ZCWPW2: variants seen among roughly 807,000 people sequenced by gnomAD.
ZCWPW2 encodes zinc finger CW-type and PWWP domain containing 2.
In ZCWPW2, 45 loss-of-function variants were observed where a neutral mutation model predicts 46.6. The observed-to-expected ratio is 0.96, with a 90% confidence interval of 0.76 to 1.24. ZCWPW2 has a LOEUF of 1.24. Ranked by LOEUF, ZCWPW2 falls within the 50% of genes most tolerant of loss-of-function variation. ZCWPW2 has a pLI of 0.00. For missense variants in ZCWPW2, 429 were observed against 403.9 expected (o/e 1.06, Z -0.53); for synonymous variants, 152 against 137.1 (o/e 1.11, Z -0.76).
chr3:28,429,441 G>C (rs749790856), intron 3 of ZCWPW2, among the ~76,000 whole-genome samples: 7 of 152,172 alleles, frequency 4.6e-5, no homozygotes, highest in Admixed American at 1.3e-4. Flanking sequence ...CATTCACAAA[G>C]ATATGGTTTG....
intron 1 of ZCWPW2, among the ~76,000 whole-genome samples, chr3:28,373,833 ATTTGTTTGTTTTTG>A (rs1191448008): frequency 1.3e-5 from 2 of 151,578 alleles, no homozygotes; most frequent in Non-Finnish European, 2.9e-5. Flanking sequence ...TTTAAATTAG[ATTTGTTTGTTTTTG>A]TTTGTTTGTT....
chr3:28,461,263 C>G (rs1457910), intron 4 of ZCWPW2, among the ~76,000 whole-genome samples: 6 of 151,824 alleles, frequency 4.0e-5, no homozygotes, highest in African/African-American at 1.5e-4. Context: ...ATGAGGTTCT[C>G]CCACCCCCCA....
chr3:28,359,528 G>T (rs1380371445), intron 1 of ZCWPW2, among the ~76,000 whole-genome samples: 1 of 152,040 alleles, frequency 6.6e-6, no homozygotes, highest in Non-Finnish European at 1.5e-5. Context: ...AAGGCCTAGA[G>T]AAAAATATGT....
intron 6 of ZCWPW2, among the ~76,000 whole-genome samples, chr3:28,498,982 C>A (rs1202871663): frequency 6.6e-6 from 1 of 152,028 alleles, no homozygotes. Context: ...TGAACTCATC[C>A]TTTTTTATGG....
chr3:28,463,611 T>C (rs547011006), intron 4 of ZCWPW2, among the ~76,000 whole-genome samples: 1 of 152,138 alleles, frequency 6.6e-6, no homozygotes, highest in African/African-American at 2.4e-5. Context: ...AGAGTATGTA[T>C]GCAGGATTTA....
At chr3:28,410,304 T>C (rs905661830) in intron 2 of ZCWPW2, among the ~76,000 whole-genome samples, 35 of 152,194 alleles carry the variant, frequency 2.3e-4, no homozygotes, top group Non-Finnish European at 4.3e-4. Flanking sequence ...ATCAACCATT[T>C]AGTATGGATA....
At chr3:28,379,457 T>C (rs1330171881) in intron 1 of ZCWPW2, among the ~76,000 whole-genome samples, 3 of 152,200 alleles carry the variant, frequency 2.0e-5, no homozygotes, top group African/African-American at 4.8e-5. Context: ...CCCTTAAGAA[T>C]GTTACTGTGA....
At chr3:28,425,878 G>C (rs905193548) in intron 3 of ZCWPW2, among the ~76,000 whole-genome samples, 2 of 152,144 alleles carry the variant, frequency 1.3e-5, no homozygotes, top group Non-Finnish European at 2.9e-5. Context: ...GGGAGGCCAA[G>C]GCGGGAGGAT....
intron 6 of ZCWPW2, among the ~76,000 whole-genome samples, chr3:28,512,670 A>G (rs1700460370): frequency 6.6e-6 from 1 of 152,170 alleles, no homozygotes; most frequent in Non-Finnish European, 1.5e-5. Flanking sequence ...CGATCTCATC[A>G]AATCTACCTT....
At chr3:28,424,524 C>A (rs954248693) in intron 3 of ZCWPW2, among the ~76,000 whole-genome samples, 2 of 152,100 alleles carry the variant, frequency 1.3e-5, no homozygotes, top group African/African-American at 4.8e-5. Context: ...AGAAGAAAGA[C>A]CATGTGAGGA....
At chr3:28,461,272 C>T (rs1698624213) in intron 4 of ZCWPW2, among the ~76,000 whole-genome samples, 1 of 152,056 alleles carries the variant, frequency 6.6e-6, no homozygotes, top group African/African-American at 2.4e-5. Flanking sequence ...TCCCACCCCC[C>T]AGATTGGTCA....
In ZCWPW2 at chr3:28,498,600, C is replaced by T. The variant is rs150991359; in HGVS notation, c.657+6427C>T. Among the ~76,000 whole-genome samples, 402 of 151,836 alleles carry T rather than the reference C, an allele frequency of 2.6e-3. 2 individuals carry two copies. The highest frequency in any genetic ancestry group is 0.01 in the Middle Eastern group (3 of 290). On this transcript the variant is annotated intron_variant, in intron 6 of 9. Coordinates refer to ENST00000383768, the MANE Select transcript of ZCWPW2 (RefSeq NM_001040432.4). Reference sequence around the variant, plus strand: ...AGGACTTAAGAAAATTTTAAATTCTCAGACTTACAATAGTATCATAGTTCT... The same window carrying T: ...AGGACTTAAGAAAATTTTAAATTCTTAGACTTACAATAGTATCATAGTTCT...
chr3:28,350,057 G>T (rs746257063), intron 1 of ZCWPW2, among the ~76,000 whole-genome samples: 3 of 152,142 alleles, frequency 2.0e-5, no homozygotes, highest in Non-Finnish European at 4.4e-5. Flanking sequence ...GAAAGGAAAC[G>T]ATTTGCTTCA....
chr3:28,445,162 A>G (rs1697938515), intron 4 of ZCWPW2, among the ~76,000 whole-genome samples: 1 of 150,352 alleles, frequency 6.7e-6, no homozygotes. Flanking sequence ...ATATAGGTAT[A>G]TATCCTATTA....
intron 4 of ZCWPW2, among the ~76,000 whole-genome samples, chr3:28,437,200 T>G (rs1337920478): frequency 6.6e-6 from 1 of 152,220 alleles, no homozygotes; most frequent in Non-Finnish European, 1.5e-5. Flanking sequence ...ATTGTACAAG[T>G]TGTCTGATCA....
intron 1 of ZCWPW2, among the ~76,000 whole-genome samples, chr3:28,383,006 T>G (rs1695155591): frequency 6.6e-6 from 1 of 152,114 alleles, no homozygotes; most frequent in African/African-American, 2.4e-5. Flanking sequence ...TTTGCCAAGG[T>G]TTTGATCACT....
At chr3:28,429,407 A>G (rs975158153) in intron 3 of ZCWPW2, among the ~76,000 whole-genome samples, 2 of 152,200 alleles carry the variant, frequency 1.3e-5, no homozygotes, top group African/African-American at 4.8e-5. Flanking sequence ...TGGGTGCTCT[A>G]AAAAGCATTC....
At chr3:28,510,004 G>T (rs1164958083) in intron 6 of ZCWPW2, among the ~76,000 whole-genome samples, 1 of 152,156 alleles carries the variant, frequency 6.6e-6, no homozygotes, top group Non-Finnish European at 1.5e-5. Flanking sequence ...TGAGGTACAG[G>T]TTGAACTTCA....
At chr3:28,356,148 T>C (rs1028005532) in intron 1 of ZCWPW2, among the ~76,000 whole-genome samples, 1 of 152,056 alleles carries the variant, frequency 6.6e-6, no homozygotes, top group African/African-American at 2.4e-5. Context: ...CTTAAACAAA[T>C]TTACAAGAAA....
Sources: gnomAD v4.1 joint callset for allele counts (sites outside exome capture counted in the v4.1 genomes callset) on GRCh38, gnomAD v4.1.1 for gene constraint, MANE v1.5 for transcripts, NCBI Gene and HGNC (gene_info 2026-07-23, HGNC 2026-07-21) for gene names.